Variants in NKAIN2 observed in about 807,000 individuals in gnomAD.
NKAIN2 encodes the protein sodium/potassium-transporting ATPase subunit beta-1-interacting protein 2.
NKAIN2 carries 14 observed loss-of-function variants against 32.6 expected under a neutral mutation model. That is an observed-to-expected ratio of 0.43 (90% CI 0.28 to 0.67). The LOEUF (loss-of-function observed/expected upper bound fraction) is 0.67, where lower values mean the gene tolerates loss of function less well. Ranked by LOEUF, NKAIN2 falls within the 30% of genes least tolerant of loss-of-function variation. The probability of loss-of-function intolerance (pLI) is 0.17; values close to 1 mark genes in which losing one functional copy is unlikely to be tolerated. For missense variants in NKAIN2, 198 were observed against 258.3 expected (o/e 0.77, Z 1.60); for synonymous variants, 80 against 87.2 (o/e 0.92, Z 0.46).
chr6:124,184,490 G>A (rs567293708), intron 1 of NKAIN2, among the ~76,000 whole-genome samples: 15 of 151,944 alleles, frequency 9.9e-5, no homozygotes, highest in Admixed American at 5.9e-4. Flanking sequence ...ACCACCACCC[G>A]AAGAGTCCCT....
intron 1 of NKAIN2, among the ~76,000 whole-genome samples, chr6:124,175,503 A>G (rs928214874): frequency 5.3e-5 from 8 of 152,226 alleles, no homozygotes; most frequent in Non-Finnish European, 1.0e-4. Context: ...GTTTCACATA[A>G]TGTCTACACT....
intron 1 of NKAIN2, among the ~76,000 whole-genome samples, chr6:124,263,786 T>C (rs1219746191): frequency 6.6e-6 from 1 of 151,968 alleles, no homozygotes; most frequent in Non-Finnish European, 1.5e-5. Context: ...TCATGGTTCT[T>C]TTAAGACAGG....
intron 3 of NKAIN2, among the ~76,000 whole-genome samples, chr6:124,456,908 C>A (rs1776344634): frequency 6.6e-6 from 1 of 151,772 alleles, no homozygotes; most frequent in Non-Finnish European, 1.5e-5. Context: ...TTTGCTGATT[C>A]TTGGGCCCTT....
At chr6:123,880,003 G>T (rs578031176) in intron 1 of NKAIN2, among the ~76,000 whole-genome samples, 2 of 152,188 alleles carry the variant, frequency 1.3e-5, no homozygotes, top group African/African-American at 2.4e-5. Context: ...CAGATGGATA[G>T]AGCAAATTCA....
chr6:124,065,776 CTG>C (rs1266007486), intron 1 of NKAIN2, among the ~76,000 whole-genome samples: 6 of 152,154 alleles, frequency 3.9e-5, no homozygotes, highest in African/African-American at 1.4e-4. Context: ...CTCTGTTTCA[CTG>C]GGATGTTATT....
At chr6:124,705,095 T>C (rs902161955) in intron 4 of NKAIN2, among the ~76,000 whole-genome samples, 4 of 151,976 alleles carry the variant, frequency 2.6e-5, no homozygotes, top group African/African-American at 4.8e-5. Context: ...GGAAAGAAAC[T>C]AGATGCTTCC....
At chr6:124,473,341 A>T (rs1000847003) in intron 3 of NKAIN2, among the ~76,000 whole-genome samples, 3 of 152,182 alleles carry the variant, frequency 2.0e-5, no homozygotes, top group South Asian at 4.1e-4. Context: ...GATAAAACAG[A>T]TAAAAGTTCT....
At chr6:124,338,410 A>G (rs1797971647) in intron 2 of NKAIN2, among the ~76,000 whole-genome samples, 1 of 152,184 alleles carries the variant, frequency 6.6e-6, no homozygotes, top group Non-Finnish European at 1.5e-5. Context: ...AATATTTTTG[A>G]TGATATCATG....
At chr6:123,872,782 A>G (rs2114290485) in intron 1 of NKAIN2, among the ~76,000 whole-genome samples, 1 of 152,280 alleles carries the variant, frequency 6.6e-6, no homozygotes, top group South Asian at 2.1e-4. Flanking sequence ...AAAACAAACC[A>G]AGAGATGTTT....
At chr6:124,708,539 C>T (rs1167561930) in intron 4 of NKAIN2, among the ~76,000 whole-genome samples, 4 of 151,984 alleles carry the variant, frequency 2.6e-5, no homozygotes, top group African/African-American at 9.7e-5. Context: ...TTGTAGTTCT[C>T]CTTGAAGAGG....
intron 1 of NKAIN2, among the ~76,000 whole-genome samples, chr6:124,131,887 C>A (rs1786498000): frequency 6.6e-6 from 1 of 152,100 alleles, no homozygotes; most frequent in Non-Finnish European, 1.5e-5. Flanking sequence ...TGAGCAGAAA[C>A]TGGGGGATGA....
intron 1 of NKAIN2, among the ~76,000 whole-genome samples, chr6:124,229,501 C>CAT (rs1554269616): frequency 7.0e-6 from 1 of 142,872 alleles, no homozygotes; most frequent in African/African-American, 2.6e-5. Context: ...GATAGATAGA[C>CAT]AGATAGATAG....
intron 1 of NKAIN2, among the ~76,000 whole-genome samples, chr6:124,224,061 A>C (rs188681594): frequency 6.6e-6 from 1 of 152,302 alleles, no homozygotes; most frequent in East Asian, 1.9e-4. Flanking sequence ...AATCTCTCAG[A>C]GTCAAGAACA....
chr6:124,389,062 G>A (rs1583171961), intron 3 of NKAIN2, among the ~76,000 whole-genome samples: 2 of 152,124 alleles, frequency 1.3e-5, no homozygotes, highest in East Asian at 1.9e-4. Context: ...TCTGTAAACA[G>A]AATCACACAT....
intron 3 of NKAIN2, among the ~76,000 whole-genome samples, chr6:124,358,961 G>A (rs1471137548): frequency 6.6e-6 from 1 of 151,180 alleles, no homozygotes; most frequent in Non-Finnish European, 1.5e-5. Flanking sequence ...AAGGTGTAAG[G>A]AAGGGATCCA....
At chr6:123,847,441 G>A (rs551482027) in intron 1 of NKAIN2, among the ~76,000 whole-genome samples, 4 of 152,236 alleles carry the variant, frequency 2.6e-5, no homozygotes, top group South Asian at 4.1e-4. Flanking sequence ...GTATCCCGGC[G>A]GATGGAACTT....
chr6:124,305,596 G>A (rs2114987860), intron 2 of NKAIN2, among the ~76,000 whole-genome samples: 1 of 152,222 alleles, frequency 6.6e-6, no homozygotes, highest in South Asian at 2.1e-4. Flanking sequence ...AGGAATGTGA[G>A]ACTAGAGATC....
At chr6:124,336,832 C>T (rs1012475263) in intron 2 of NKAIN2, among the ~76,000 whole-genome samples, 8 of 151,784 alleles carry the variant, frequency 5.3e-5, no homozygotes, top group African/African-American at 1.9e-4. Flanking sequence ...CACCCCACAC[C>T]CGGCTAATTT....
At chr6:124,693,520 G>T (rs577229341) in intron 4 of NKAIN2, among the ~76,000 whole-genome samples, 36 of 152,268 alleles carry the variant, frequency 2.4e-4, no homozygotes, top group Admixed American at 1.9e-3. Context: ...AAGGTGATGT[G>T]GTAGGTAGTG....
Sources: gnomAD v4.1 joint callset for allele counts (sites outside exome capture counted in the v4.1 genomes callset) on GRCh38, gnomAD v4.1.1 for gene constraint, MANE v1.5 for transcripts, NCBI Gene and HGNC (gene_info 2026-07-23, HGNC 2026-07-21) for gene names.